MYO3A: variants seen among roughly 807,000 people sequenced by gnomAD.
MYO3A encodes the protein myosin-IIIa.
A neutral mutation model predicts 192.7 loss-of-function variants in MYO3A; 180 were observed. The observed-to-expected ratio is 0.93, with a 90% confidence interval of 0.83 to 1.06. The LOEUF (loss-of-function observed/expected upper bound fraction) is 1.06, where lower values mean the gene tolerates loss of function less well. Ranked by LOEUF, MYO3A falls within the 50% of genes least tolerant of loss-of-function variation. MYO3A has a pLI of 0.00. For synonymous variants in MYO3A, 628 were observed against 645.3 expected, an observed-to-expected ratio of 0.97 and a Z score of 0.41; for missense variants, 1,896 against 1,905.0, an observed-to-expected ratio of 1.00 and a Z score of 0.09.
rs182196771 is a variant in MYO3A at position 26,057,872 on chromosome 10, G to A, written c.954-9103G>A. ...AGTTCATAACAAAATTGAGAGGAAG[G>A]CGTAGGGACTTCCCATGTGTCCCCT... On this transcript the variant is annotated intron_variant, in intron 10 of 34. Transcript: ENST00000642920. Among the ~76,000 whole-genome samples the A allele has an allele frequency of 2.5e-4, 38 of 152,240 alleles. No individual in the cohort carries two copies. The East Asian group carries it at 6.4e-3, about 26-fold the overall frequency.
intron 10 of MYO3A, among the ~76,000 whole-genome samples, chr10:26,032,056 A>G (rs1409921172): frequency 6.6e-6 from 1 of 152,212 alleles, no homozygotes; most frequent in African/African-American, 2.4e-5. Flanking sequence ...GATGCTCTCA[A>G]TATGCCAGTG....
chr10:26,055,659 G>A (rs1189519305), intron 10 of MYO3A, among the ~76,000 whole-genome samples: 2 of 152,094 alleles, frequency 1.3e-5, no homozygotes, highest in Non-Finnish European at 2.9e-5. Flanking sequence ...TTTACATCAG[G>A]GAGAGAGGAA....
intron 10 of MYO3A, among the ~76,000 whole-genome samples, chr10:26,061,857 A>ACAGT (rs34607478): frequency 1.1e-4 from 5 of 43,876 alleles, no homozygotes; most frequent in Non-Finnish European, 3.7e-4. Flanking sequence ...GTCCATAAAA[A>ACAGT]CAGAAAATTC....
chr10:25,996,337 A>G (rs866006932), intron 4 of MYO3A, among the ~76,000 whole-genome samples, 153 bp from the exon 5 acceptor site: 17 of 152,234 alleles, frequency 1.1e-4, no homozygotes, highest in Admixed American at 1.3e-4. Flanking sequence ...AAGTTTATAT[A>G]TTCATTTTAT....
At chr10:26,182,682 T>G (rs1404454949) in intron 31 of MYO3A, among the ~76,000 whole-genome samples, 1 of 152,228 alleles carries the variant, frequency 6.6e-6, no homozygotes, top group East Asian at 1.9e-4. Flanking sequence ...AATACCCACT[T>G]CATTTTGAAA....
chr10:26,211,960 C>G lies in MYO3A; in HGVS notation c.4848C>G (p.Ser1616=), dbSNP rs56316209. The stretch of plus-strand genomic sequence containing the variant: ...AGCGCCGGCGCCTCGTCCAGCAGTC[C>G]TAACCGTTCAACGAGGCAGTCACCG... ...TSQRRRLVQQ[S] is the part of the protein sequence containing the mutation. Residue 1616 remains serine (S), a synonymous_variant, in exon 35 of 35, where the codon TCC becomes TCG. Transcript: ENST00000642920. 7,215 of 1,612,298 alleles carry G rather than the reference C, an allele frequency of 4.5e-3. 251 individuals are homozygous for G. In the African/African-American group the frequency reaches 0.077, roughly 17 times the overall value.
chr10:26,156,612 T>C (rs1841134100), intron 25 of MYO3A, among the ~76,000 whole-genome samples: 1 of 152,234 alleles, frequency 6.6e-6, no homozygotes, highest in Non-Finnish European at 1.5e-5. Flanking sequence ...TATCTACTTC[T>C]TACATATTAA....
At chr10:26,154,939 T>C (rs979143811) in intron 25 of MYO3A, 116 bp downstream of exon 25, 7 of 885,572 alleles carry the variant, frequency 7.9e-6, no homozygotes, top group Non-Finnish European at 1.3e-5. Context: ...CCATTTACTA[T>C]TGTTAGATAC....
chr10:26,058,611 G>A (rs1414765774), intron 10 of MYO3A, among the ~76,000 whole-genome samples: 1 of 152,186 alleles, frequency 6.6e-6, no homozygotes, highest in African/African-American at 2.4e-5. Flanking sequence ...GATTGCTGTA[G>A]CTTTATAGGA....
chr10:26,120,865 AT>A (rs1333864979), intron 18 of MYO3A, 63 bp downstream of exon 18: 12 of 1,576,764 alleles, frequency 7.6e-6, no homozygotes, highest in Non-Finnish European at 1.0e-5. Context: ...TACCATAAGT[AT>A]CACATAAGGA....
At chr10:26,016,734 A>C in intron 6 of MYO3A, 86 bp from the exon 7 acceptor site, 1 of 1,264,318 alleles carries the variant, frequency 7.9e-7, no homozygotes. Context: ...GAATTTTAAT[A>C]TTAGTTTGCA....
chr10:26,173,745 G>A lies in MYO3A; in HGVS notation c.3481G>A (p.Val1161Ile), dbSNP rs1199827354. The change falls in exon 30 of 35, where the codon GTA becomes ATA. Residue 1161 changes from valine (V) to isoleucine (I), a missense_variant. Transcript: ENST00000642920. ...FISAPNNKGS[V>I]SVVKTSTFKP... The stretch of plus-strand genomic sequence containing the variant: ...TTCAGCTCCAAATAATAAAGGAAGT[G>A]TATCTGTAGTGAAGACTTCCACTTT... 6 of 1,613,800 alleles carry A rather than the reference G, an allele frequency of 3.7e-6. No individual in the cohort carries two copies. Among genetic ancestry groups the A allele is most frequent in the Non-Finnish European group, 5.1e-6 (6 of 1,179,720 alleles).
chr10:25,981,886 A>G (rs1474025072), intron 4 of MYO3A, among the ~76,000 whole-genome samples: 1 of 152,206 alleles, frequency 6.6e-6, no homozygotes, highest in Non-Finnish European at 1.5e-5. Flanking sequence ...TATACCAGGA[A>G]ATCTGAGACA....
intron 20 of MYO3A, among the ~76,000 whole-genome samples, chr10:26,142,830 T>C (rs894741164): frequency 1.3e-5 from 2 of 152,208 alleles, no homozygotes; most frequent in African/African-American, 4.8e-5. Context: ...CTAAGATGTA[T>C]CTAGTTAAAT....
At chr10:25,989,794 G>A (rs1839898038) in intron 4 of MYO3A, among the ~76,000 whole-genome samples, 1 of 152,120 alleles carries the variant, frequency 6.6e-6, no homozygotes, top group Non-Finnish European at 1.5e-5. Context: ...CTTCTGACTT[G>A]GGTTAGAAGA....
chr10:25,973,140 G>GGTCC (rs1297470981), intron 4 of MYO3A, among the ~76,000 whole-genome samples: 3 of 152,108 alleles, frequency 2.0e-5, no homozygotes, highest in Non-Finnish European at 2.9e-5. Flanking sequence ...CATTTGTTTA[G>GGTCC]GTCCTCTCTT....
chr10:26,054,610 G>A (rs947392187), intron 10 of MYO3A, among the ~76,000 whole-genome samples: 4 of 152,192 alleles, frequency 2.6e-5, no homozygotes, highest in African/African-American at 9.7e-5. Flanking sequence ...TCAAGGATCT[G>A]GAGAAGGGGA....
At chr10:26,138,746 T>C (rs930000464) in intron 20 of MYO3A, among the ~76,000 whole-genome samples, 1 of 152,202 alleles carries the variant, frequency 6.6e-6, no homozygotes, top group African/African-American at 2.4e-5. Flanking sequence ...GCTGATGTTG[T>C]GACTGCCCTT....
chr10:26,076,117 G>A (rs1018100149), intron 14 of MYO3A, among the ~76,000 whole-genome samples: 10 of 152,066 alleles, frequency 6.6e-5, no homozygotes, highest in Non-Finnish European at 1.2e-4. Context: ...CCCACCAGCA[G>A]TGTAGAAGTG....
Sources: allele counts gnomAD v4.1 joint callset (sites outside exome capture counted in the v4.1 genomes callset), GRCh38; gene constraint gnomAD v4.1.1; transcripts MANE v1.5; gene names NCBI Gene and HGNC (gene_info 2026-07-23, HGNC 2026-07-21).